The following MTA3 variants were observed in gnomAD, a reference collection of about 807,000 sequenced individuals.
MTA3 encodes the protein metastasis-associated protein MTA3.
In MTA3, 34 loss-of-function variants were observed where a neutral mutation model predicts 83.5. The observed-to-expected ratio is 0.41, with a 90% CI of 0.31 to 0.54. The LOEUF (loss-of-function observed/expected upper bound fraction) is 0.54, where lower values mean the gene tolerates loss of function less well. Ranked by LOEUF, MTA3 falls within the 20% of genes least tolerant of loss-of-function variation. The pLI is 0.33. For synonymous variants in MTA3, 303 were observed against 252.7 expected, an observed-to-expected ratio of 1.20 and a Z score of -1.89; for missense variants, 761 against 726.4, an observed-to-expected ratio of 1.05 and a Z score of -0.55.
chr2:42,754,618 G>T lies in MTA3; in HGVS notation c.*1219G>T. The T allele has an allele frequency of 1.0e-6, 1 of 985,458 alleles. No individual in the cohort carries two copies. The highest frequency in any genetic ancestry group is 1.1e-4 in the East Asian group (1 of 8,814). 61.0% of individuals were successfully genotyped at this position (985,458 alleles called of 1,614,324 possible). On this transcript the variant is annotated 3_prime_UTR_variant, in exon 17 of 17. Transcript: ENST00000405094. ...CAGATGTGAGGCTGGCAACTCCCCT[G>T]CCCTCTGTTTGCAGGCACAGGGTCA... is the stretch of plus-strand genomic sequence containing the variant.
rs147963471 is a variant in MTA3 at position 42,607,748 on chromosome 2, C to T, written c.191-1710C>T. Among the ~76,000 whole-genome samples, 703 of 152,202 alleles carry T rather than the reference C, an allele frequency of 4.6e-3. 8 individuals are homozygous for T. Among genetic ancestry groups the T allele is most frequent in the African/African-American group, 0.016 (644 of 41,528 alleles). ...GACAGATTGCTTGAGCTCAGGAGTT[C>T]GAGATCAGCCTGGGCAACATGATGA... On this transcript the variant is annotated intron_variant, in intron 3 of 16. Transcript: ENST00000405094.
chr2:42,570,856 C>G (rs973689159), intron 2 of MTA3, among the ~76,000 whole-genome samples: 1 of 150,588 alleles, frequency 6.6e-6, no homozygotes, highest in Non-Finnish European at 1.5e-5. Flanking sequence ...ACTAAAAATA[C>G]AAAAAAAATA....
At chr2:42,632,091 G>GTTTTTT (rs35447248) in intron 4 of MTA3, among the ~76,000 whole-genome samples, 1 of 125,202 alleles carries the variant, frequency 8.0e-6, no homozygotes, top group African/African-American at 3.0e-5. Context: ...CAGCTGCTGG[G>GTTTTTT]TTTTTTTTTT....
At chr2:42,691,337 A>G (rs1299102275) in intron 9 of MTA3, among the ~76,000 whole-genome samples, 1 of 152,108 alleles carries the variant, frequency 6.6e-6, no homozygotes, top group Non-Finnish European at 1.5e-5. Context: ...ACAGGCATGC[A>G]ATATGTAGTA....
chr2:42,715,406 CTTTTTTTTTTTT>C lies in MTA3; in HGVS notation c.1526-3569_1526-3558del, dbSNP rs35673744. ...GAGACATAATTCTTGCCACCAACTA[CTTTTTTTTTTTT>C]TTTTTTTTTTTTGAGACAGGGTCTT... On this transcript the variant is annotated intron_variant, in intron 14 of 16. Coordinates refer to ENST00000405094, the MANE Select transcript of MTA3 (RefSeq NM_001330442.2). Among the ~76,000 whole-genome samples the C allele has an allele frequency of 2.6e-4, 27 of 104,166 alleles. No homozygotes were observed. The East Asian group carries it at 6.5e-3, about 25-fold the overall frequency. The allele number at this position is 104,166 out of a possible 152,430, so 68.3% of individuals were successfully genotyped here. A position where few individuals can be genotyped will look rare whatever the true frequency, so the allele number is the denominator to read the frequency against.
At chr2:42,740,855 A>G (rs193210297) in intron 16 of MTA3, among the ~76,000 whole-genome samples, 4 of 152,380 alleles carry the variant, frequency 2.6e-5, no homozygotes, top group East Asian at 3.9e-4. Context: ...GTAAATGAAC[A>G]CTGGCTTCAA....
At chr2:42,677,434 C>G (rs1691475917) in intron 8 of MTA3, among the ~76,000 whole-genome samples, 1 of 152,100 alleles carries the variant, frequency 6.6e-6, no homozygotes. Context: ...CTTCCGCCTC[C>G]TGGGTTCAAG....
At chr2:42,581,360 CTTTT>C (rs778419810) in intron 3 of MTA3, among the ~76,000 whole-genome samples, 16 of 88,268 alleles carry the variant, frequency 1.8e-4, no homozygotes, top group Admixed American at 7.6e-4. Context: ...TCCCAAATTG[CTTTT>C]TTTTTTTTTT....
At chr2:42,517,556 A>G (rs1442861766) in intron 2 of MTA3, among the ~76,000 whole-genome samples, 1 of 140,138 alleles carries the variant, frequency 7.1e-6, no homozygotes, top group African/African-American at 2.7e-5. Context: ...CTTGGGGACA[A>G]GAGCAAAATT....
Position 42,500,665 on chromosome 2 carries a change from A to G in MTA3, c.-141+5411A>G, listed in dbSNP as rs1220544828. Among the ~76,000 whole-genome samples, 13 of 152,182 alleles carry G rather than the reference A, an allele frequency of 8.5e-5. No homozygotes were observed. The East Asian group carries it at 2.5e-3, about 29-fold the overall frequency. On this transcript the variant is annotated intron_variant, in intron 2 of 17. Coordinates refer to the MTA3 transcript ENST00000405592. ...CTCTACCTTCCTAGGTTCTTGGCCT[A>G]TGCTCCTACAAATTAGACTGACAAA...
chr2:42,715,675 G>C (rs757398473), intron 14 of MTA3, among the ~76,000 whole-genome samples: 1 of 152,128 alleles, frequency 6.6e-6, no homozygotes, highest in Non-Finnish European at 1.5e-5. Context: ...TTTTTAATGA[G>C]AAATTAGAAG....
intron 4 of MTA3, among the ~76,000 whole-genome samples, chr2:42,621,893 C>T (rs371408398): frequency 1.3e-4 from 20 of 150,586 alleles, no homozygotes; most frequent in African/African-American, 3.9e-4. Flanking sequence ...ACTTCCTAGA[C>T]GGGAAGAGGC....
At position 42,568,638 on chromosome 2, in the gene MTA3, A is replaced by T; in HGVS notation, c.-108A>T. On this transcript the variant is annotated 5_prime_UTR_variant, in exon 1 of 17. Coordinates refer to ENST00000405094, the MANE Select transcript of MTA3 (RefSeq NM_001330442.2). ...CTTCCCTCCCTTCCCCCCCGTGGCGAGGCAGCAGCGACGGCGGCGGCGGCA... is the reference window on the plus strand; with the variant it reads ...CTTCCCTCCCTTCCCCCCCGTGGCGTGGCAGCAGCGACGGCGGCGGCGGCA... 2.9e-5 allele frequency: 8 copies of T among 279,298 alleles called. No homozygotes were observed. The highest frequency in any genetic ancestry group is 1.8e-4 in the East Asian group (1 of 5,680). The allele number at this position is 279,298 out of a possible 1,614,324, so 17.3% of individuals were successfully genotyped here. A position where few individuals can be genotyped will look rare whatever the true frequency, so the allele number is the denominator to read the frequency against.
intron 12 of MTA3, among the ~76,000 whole-genome samples, chr2:42,705,173 G>T (rs889388988): frequency 1.3e-5 from 2 of 152,214 alleles, no homozygotes; most frequent in African/African-American, 4.8e-5. Context: ...GAAGGTGTGA[G>T]CCAAGTTGCT....
rs915944760 is a variant in MTA3 at position 42,719,043 on chromosome 2, G to A, written c.1581G>A (p.Arg527=). 1.5e-5 allele frequency: 24 copies of A among 1,550,268 alleles called. No individual in the cohort carries two copies. Among genetic ancestry groups the A allele is most frequent in the Non-Finnish European group, 2.1e-5 (24 of 1,146,884 alleles). ...SGSPLKSKST[R]KPLACIIGYL... is the part of the protein sequence containing the mutation. The stretch of plus-strand genomic sequence containing the variant: ...GTCCACTGAAAAGCAAAAGCACTAG[G>A]AAGCCTTTGGCATGTATCATTGGGT... Residue 527 remains arginine (R), a synonymous_variant, in exon 15 of 17, where the codon AGG becomes AGA. Coordinates refer to ENST00000405094, the MANE Select transcript of MTA3 (RefSeq NM_001330442.2).
At chr2:42,715,262 C>A (rs1232066354) in intron 14 of MTA3, among the ~76,000 whole-genome samples, 1 of 152,156 alleles carries the variant, frequency 6.6e-6, no homozygotes, top group African/African-American at 2.4e-5. Context: ...GACAATCCCA[C>A]CTATGGCTAT....
chr2:42,556,134 G>C (rs1274884163), intron 2 of MTA3, among the ~76,000 whole-genome samples: 3 of 151,812 alleles, frequency 2.0e-5, no homozygotes, highest in Admixed American at 2.0e-4. Flanking sequence ...AGGAGATGGA[G>C]CTCCCTGGGG....
chr2:42,651,791 C>A (rs1573480372), intron 6 of MTA3, among the ~76,000 whole-genome samples: 1 of 147,550 alleles, frequency 6.8e-6, no homozygotes, highest in East Asian at 2.0e-4. Flanking sequence ...CAGAGCGAGA[C>A]CTTGTCTCAA....
At position 42,697,852 on chromosome 2, in the gene MTA3, T is replaced by C; in HGVS notation, c.1025+18T>C. On this transcript the variant is annotated intron_variant, in intron 11 of 16. Transcript: ENST00000405094. Reference sequence around the variant, plus strand: ...CCAACCTAGTAAGTAATTGAAATCTTTTAAAATATTTGTTTTGGTCTTAAT... The same window carrying C: ...CCAACCTAGTAAGTAATTGAAATCTCTTAAAATATTTGTTTTGGTCTTAAT... The C allele has an allele frequency of 1.4e-6, 2 of 1,474,212 alleles. No homozygotes were observed. Among genetic ancestry groups the C allele is most frequent in the Non-Finnish European group, 1.8e-6 (2 of 1,099,974 alleles). The allele number at this position is 1,474,212 out of a possible 1,614,324, so 91.3% of individuals were successfully genotyped here. A position where few individuals can be genotyped will look rare whatever the true frequency, so the allele number is the denominator to read the frequency against.
Sources: gnomAD v4.1 joint callset for allele counts (sites outside exome capture counted in the v4.1 genomes callset) on GRCh38, gnomAD v4.1.1 for gene constraint, MANE v1.5 for transcripts, NCBI Gene and HGNC (gene_info 2026-07-23, HGNC 2026-07-21) for gene names.